Variants in MSH5 observed in about 807,000 individuals in gnomAD.
MSH5 encodes mutS homolog 5.
MSH5 carries 78 observed loss-of-function variants against 107.7 expected under a neutral mutation model. The ratio of observed to expected loss-of-function variants is 0.72; its 90% CI spans 0.60 to 0.87. The LOEUF is 0.87. Ranked by LOEUF, MSH5 falls within the 40% of genes least tolerant of loss-of-function variation. MSH5 has a pLI of 0.00. For synonymous variants in MSH5, 326 were observed against 399.5 expected, an observed-to-expected ratio of 0.82 and a Z score of 2.19; for missense variants, 889 against 1,046.6, an observed-to-expected ratio of 0.85 and a Z score of 2.08.
Position 31,762,126 on chromosome 6 carries a change from C to T in MSH5, c.2334C>T (p.Ile778=), listed in dbSNP as rs1411928306. Residue 778 remains isoleucine, a synonymous_variant, in exon 24 of 25, where the codon ATC becomes ATT. Coordinates refer to ENST00000375750, the MANE Select transcript of MSH5 (RefSeq NM_172166.4). ...VARGKEVSDL[I]RSGKPIKPVK... ...CTTGTTCCTAGGTCTCAGACTTGAT[C>T]CGCAGTGGAAAACCCATCAAGCCTG... 4.3e-6 allele frequency: 7 copies of T among 1,614,186 alleles called. No homozygotes were observed. The highest frequency in any genetic ancestry group is 1.1e-5 in the South Asian group (1 of 91,082).
intron 5 of MSH5, 54 bp from the exon 6 acceptor site, chr6:31,743,850 G>C (rs1809143308): frequency 6.3e-7 from 1 of 1,592,920 alleles, no homozygotes; most frequent in African/African-American, 1.4e-5. Flanking sequence ...TCTTAAAATG[G>C]GGTGAAAAAA....
In MSH5 at chr6:31,741,113, A is replaced by AC. The variant is rs755873864; in HGVS notation, c.148-49dup. ...AATTATATAAGACATGGTAAACCCT[A>AC]CACTTATGAGTGATTCTAATAGTGA... On this transcript the variant is annotated intron_variant, in intron 2 of 24. Transcript: ENST00000375750. The AC allele has an allele frequency of 3.1e-6, 5 of 1,603,904 alleles. No homozygotes were observed. The African/African-American group carries it at 4.0e-5, about 13-fold the overall frequency.
Position 31,753,187 on chromosome 6 carries a change from A to G in MSH5, c.813-114A>G, listed in dbSNP as rs1254423243. On this transcript the variant is annotated intron_variant, in intron 10 of 24. Coordinates refer to ENST00000375750, the MANE Select transcript of MSH5 (RefSeq NM_172166.4). ...ACTTGCCACTACATTCCCATAGCAC[A>G]TCGTGGATACATATTGCCACAATCC... The G allele has an allele frequency of 6.9e-6, 9 of 1,302,874 alleles. No individual in the cohort carries two copies. The East Asian group carries it at 9.4e-5, about 14-fold the overall frequency. 80.7% of individuals were successfully genotyped at this position (1,302,874 alleles called of 1,614,324 possible).
chr6:31,743,128 C>T lies in MSH5; in HGVS notation c.373C>T (p.Pro125Ser). The part of the protein sequence containing the change: ...GKLASQEHRE[P>S]KRPEIIFLPS... ...CACAGCCTCCCAGGAGCACAGAGAG[C>T]CTAAAAGACCTGAAATCATATTTTT... The change falls in exon 5 of 25, where the codon CCT becomes TCT. Residue 125 changes from proline (P) to serine (S), a missense_variant. Transcript: ENST00000375750. 3 of 1,612,986 alleles carry T rather than the reference C, an allele frequency of 1.9e-6. No homozygotes were observed. Among genetic ancestry groups the T allele is most frequent in the Non-Finnish European group, 2.5e-6 (3 of 1,179,996 alleles).
chr6:31,741,353 A>G, intron 3 of MSH5, 67 bp downstream of exon 3: 5 of 1,183,104 alleles, frequency 4.2e-6, no homozygotes, highest in Non-Finnish European at 5.7e-6. Flanking sequence ...ACACACACAC[A>G]CACACACACA....
At position 31,740,229 on chromosome 6, in the gene MSH5, C is replaced by T; in HGVS notation, c.-14+167C>T. The stretch of plus-strand genomic sequence containing the variant: ...CCCCTTCCTTCCAAAGGGTAACCTC[C>T]GCGTGACAGGAATGAGGGTGGGGCG... On this transcript the variant is annotated intron_variant, in intron 1 of 24. Transcript: ENST00000375750. The surrounding 1 kb of genome is among the most constrained non-coding windows in gnomAD (Gnocchi z 4.4). The T allele has an allele frequency of 4.3e-6, 2 of 463,816 alleles. No homozygotes were observed. The highest frequency in any genetic ancestry group is 7.7e-6 in the Non-Finnish European group (2 of 259,738). 28.7% of individuals were successfully genotyped at this position (463,816 alleles called of 1,614,324 possible).
At chr6:31,747,600 T>C (rs1809577033) in intron 10 of MSH5, among the ~76,000 whole-genome samples, 168 bp downstream of exon 10, 3 of 152,248 alleles carry the variant, frequency 2.0e-5, no homozygotes, top group South Asian at 2.1e-4. Context: ...TTCATCCTTA[T>C]AACAGCTTTG....
chr6:31,761,351 A>G lies in MSH5; in HGVS notation c.2037+89A>G, dbSNP rs1810974110. 6.2e-7 allele frequency: 1 copy of G among 1,606,090 alleles called. No homozygotes were observed. Among genetic ancestry groups the G allele is most frequent in the Admixed American group, 1.7e-5 (1 of 59,796 alleles). On this transcript the variant is annotated intron_variant, in intron 21 of 24. Transcript: ENST00000375750. The surrounding 1 kb of genome is among the most constrained non-coding windows in gnomAD (Gnocchi z 5.3). ...ATGACAGTGAGGCTGGGCCTCTGGA[A>G]TGGAATAGGGCTGTGTGGGCAGAAA...
Position 31,760,924 on chromosome 6 carries a change from C to T in MSH5, c.1962+85C>T, listed in dbSNP as rs1044086342. On this transcript the variant is annotated intron_variant, in intron 20 of 24. Transcript: ENST00000375750. The surrounding 1 kb of genome is among the most constrained non-coding windows in gnomAD (Gnocchi z 5.6). ...AAAATGCTCATAACAGGAAAGCATG[C>T]CCTCTGCTGCATGCCCTTTATACTA... 3 of 1,447,062 alleles carry T rather than the reference C, an allele frequency of 2.1e-6. No individual in the cohort carries two copies. Among genetic ancestry groups the T allele is most frequent in the Non-Finnish European group, 2.8e-6 (3 of 1,065,248 alleles). 89.6% of individuals were successfully genotyped at this position (1,447,062 alleles called of 1,614,324 possible). A position where few individuals can be genotyped will look rare whatever the true frequency, so the allele number is the denominator to read the frequency against.
Position 31,761,489 on chromosome 6 carries a change from T to C in MSH5, c.2055T>C (p.Leu685=), listed in dbSNP as rs770274404. 6.2e-7 allele frequency: 1 copy of C among 1,613,314 alleles called. No individual in the cohort carries two copies. Residue 685 remains leucine, a synonymous_variant, in exon 22 of 25, where the codon CTT becomes CTC. Transcript: ENST00000375750. The surrounding 1 kb of genome is among the most constrained non-coding windows in gnomAD (Gnocchi z 5.3). ...CTTTGCAGGTGGATGGGCTCGCGCT[T>C]CTGGCCGCTGTGCTCCGACACTGGC... ...KGTNTVDGLA[L]LAAVLRHWLA...
At position 31,762,673 on chromosome 6, in the gene MSH5, G is replaced by T. The variant is rs1055887731; in HGVS notation, c.*142G>T. The T allele has an allele frequency of 5.7e-5, 34 of 595,180 alleles. No individual in the cohort carries two copies. Among genetic ancestry groups the T allele is most frequent in the Non-Finnish European group, 9.5e-5 (32 of 338,418 alleles). 36.9% of individuals were successfully genotyped at this position (595,180 alleles called of 1,614,324 possible). On this transcript the variant is annotated 3_prime_UTR_variant, in exon 25 of 25. Transcript: ENST00000375750. Reference sequence around the variant, plus strand: ...TATTAGGAATAAAGTTTATTTTGAAGAAAGATATTGTTTCTTTAGTCTCAA... The same window carrying T: ...TATTAGGAATAAAGTTTATTTTGAATAAAGATATTGTTTCTTTAGTCTCAA...
intron 12 of MSH5, among the ~76,000 whole-genome samples, chr6:31,754,755 T>C (rs1347908940): frequency 7.3e-6 from 1 of 136,174 alleles, no homozygotes; most frequent in Non-Finnish European, 1.6e-5. Context: ...TCTTTTTTCT[T>C]TTTTTTTTTT....
chr6:31,755,003 C>T (rs3130486), intron 12 of MSH5, among the ~76,000 whole-genome samples: 44,049 of 152,118 alleles, frequency 0.29, 6,686 homozygotes, highest in African/African-American at 0.34. Context: ...CCACCCGCCT[C>T]GGCCTCCCAG....
Position 31,740,729 on chromosome 6 carries a change from G to C in MSH5, c.147+116G>C. 8.3e-7 allele frequency: 1 copy of C among 1,200,590 alleles called. No homozygotes were observed. Among genetic ancestry groups the C allele is most frequent in the Non-Finnish European group, 1.1e-6 (1 of 908,600 alleles). 74.4% of individuals were successfully genotyped at this position (1,200,590 alleles called of 1,614,324 possible). On this transcript the variant is annotated intron_variant, in intron 2 of 24. Coordinates refer to ENST00000375750, the MANE Select transcript of MSH5 (RefSeq NM_172166.4). The surrounding 1 kb of genome is among the most constrained non-coding windows in gnomAD (Gnocchi z 4.4). ...TAATCTTAGCACTTTGGGAGACTGA[G>C]GCGGGCGGATCACCTGAGCTCAGGA...
intron 3 of MSH5, among the ~76,000 whole-genome samples, chr6:31,741,943 T>C (rs1808954252): frequency 6.6e-6 from 1 of 151,966 alleles, no homozygotes; most frequent in South Asian, 2.1e-4. Flanking sequence ...CAGGCTCTTT[T>C]TGACAACCAG....
chr6:31,758,177 G>A lies in MSH5; in HGVS notation c.1027G>A (p.Ala343Thr). Residue 343 changes from alanine to threonine, a missense_variant, in exon 13 of 25, where the codon GCC (alanine) becomes ACC (threonine). By Grantham distance (58) the Ala-to-Thr change is moderately conservative. Transcript: ENST00000375750. This position sits in a 1 kb window ranked among gnomAD's most constrained non-coding sequence, Gnocchi z 5.1. ...WQVLYKTVYS[A>T]LGLRDACRSL... Reference sequence around the variant, plus strand: ...GTTTCTCTCACAGACTGTGTACAGTGCCCTGGGCCTGAGGGATGCCTGCCG... The same window carrying A: ...GTTTCTCTCACAGACTGTGTACAGTACCCTGGGCCTGAGGGATGCCTGCCG... The A allele has an allele frequency of 1.9e-6, 3 of 1,613,060 alleles. No individual in the cohort carries two copies. The highest frequency in any genetic ancestry group is 2.5e-6 in the Non-Finnish European group (3 of 1,180,042).
chr6:31,750,193 A>G (rs1394278785), intron 10 of MSH5, among the ~76,000 whole-genome samples: 2 of 152,228 alleles, frequency 1.3e-5, no homozygotes, highest in Non-Finnish European at 2.9e-5. Context: ...AACTAAGGAC[A>G]GGTGACATAT....
chr6:31,760,007 T>C lies in MSH5; in HGVS notation c.1685+32T>C. The C allele has an allele frequency of 1.9e-6, 3 of 1,612,802 alleles. No individual in the cohort carries two copies. The highest frequency in any genetic ancestry group is 1.1e-5 in the South Asian group (1 of 91,022). The stretch of plus-strand genomic sequence containing the variant: ...ATAGAGGCGGGTGGAGGAATAGACA[T>C]GAGGGGCCCAAAGGCTACATCTTCT... On this transcript the variant is annotated intron_variant, in intron 18 of 24. Coordinates refer to ENST00000375750, the MANE Select transcript of MSH5 (RefSeq NM_172166.4). This position sits in a 1 kb window ranked among gnomAD's most constrained non-coding sequence, Gnocchi z 5.6.
intron 12 of MSH5, among the ~76,000 whole-genome samples, chr6:31,754,276 A>G (rs1361755175): frequency 6.6e-6 from 1 of 150,928 alleles, no homozygotes; most frequent in Non-Finnish European, 1.5e-5. Flanking sequence ...CAGCCTCCCA[A>G]ATAGCTGGGA....
Sources: gnomAD v4.1 joint callset for allele counts (sites outside exome capture counted in the v4.1 genomes callset) on GRCh38, gnomAD v4.1.1 for gene constraint, Gnocchi (gnomAD v3.1) non-coding constraint, MANE v1.5 for transcripts, NCBI Gene and HGNC (gene_info 2026-07-23, HGNC 2026-07-21) for gene names.